Variants in APP observed in about 807,000 individuals in gnomAD.
APP encodes the protein amyloid beta precursor protein, also known as amyloid-beta precursor protein.
APP carries 31 observed loss-of-function variants against 101.4 expected under a neutral mutation model. The ratio of observed to expected loss-of-function variants is 0.31; its 90% CI spans 0.23 to 0.41. APP has a LOEUF of 0.41. APP is among the 10% of genes least tolerant of loss of function. The probability of loss-of-function intolerance (pLI) is 1.00; values close to 1 mark genes in which losing one functional copy is unlikely to be tolerated. For synonymous variants in APP, 366 were observed against 364.4 expected, an observed-to-expected ratio of 1.00 and a Z score of -0.05; for missense variants, 839 against 1,003.7, an observed-to-expected ratio of 0.84 and a Z score of 2.22.
intron 3 of APP, among the ~76,000 whole-genome samples, chr21:26,062,804 C>T (rs377702905): frequency 2.6e-5 from 4 of 151,032 alleles, no homozygotes; most frequent in Non-Finnish European, 4.4e-5. Context: ...ACTCTGTCTC[C>T]CAGGCTGGAG....
chr21:26,102,049 T>G (rs1356171473), intron 2 of APP, among the ~76,000 whole-genome samples: 2 of 150,408 alleles, frequency 1.3e-5, no homozygotes, highest in Non-Finnish European at 3.0e-5. Context: ...TCTTCTGGAA[T>G]CCCAAAGCCT....
At chr21:25,997,545 C>T in intron 7 of APP, 129 bp from the exon 8 acceptor site, 1 of 761,896 alleles carries the variant, frequency 1.3e-6, no homozygotes, top group Non-Finnish European at 2.3e-6. Flanking sequence ...TTTGGTCCCT[C>T]CAACAAAACC....
At chr21:26,092,068 A>T (rs2061837351) in intron 2 of APP, among the ~76,000 whole-genome samples, 1 of 152,214 alleles carries the variant, frequency 6.6e-6, no homozygotes, top group South Asian at 2.1e-4. Context: ...TTAATAAGGC[A>T]GTAGGAGAAC....
intron 11 of APP, among the ~76,000 whole-genome samples, chr21:25,973,163 C>CAA (rs2042097071): frequency 2.4e-5 from 3 of 124,848 alleles, no homozygotes; most frequent in African/African-American, 6.1e-5. Flanking sequence ...TCTAATTAAT[C>CAA]CAAAAAAAAA....
chr21:26,014,784 T>G (rs952448935), intron 6 of APP, among the ~76,000 whole-genome samples: 48 of 152,218 alleles, frequency 3.2e-4, no homozygotes, highest in African/African-American at 1.1e-3. Flanking sequence ...AGAAAAATAA[T>G]TTAATTCTGC....
At chr21:25,925,317 G>A (rs2039840511) in intron 13 of APP, among the ~76,000 whole-genome samples, 1 of 152,140 alleles carries the variant, frequency 6.6e-6, no homozygotes, top group African/African-American at 2.4e-5. Context: ...ATCTCTCCAT[G>A]GCCTCTGAAA....
chr21:26,011,971 C>T (rs2043824844), intron 6 of APP, among the ~76,000 whole-genome samples: 1 of 152,052 alleles, frequency 6.6e-6, no homozygotes, highest in Non-Finnish European at 1.5e-5. Context: ...CCATTATTAT[C>T]AACTAAATAT....
intron 8 of APP, among the ~76,000 whole-genome samples, chr21:25,986,837 C>T (rs1312474040): frequency 6.6e-6 from 1 of 152,218 alleles, no homozygotes; most frequent in Non-Finnish European, 1.5e-5. Context: ...GCCCACCATG[C>T]TAGGCATGTT....
At chr21:26,096,992 T>TC (rs2061957031) in intron 2 of APP, among the ~76,000 whole-genome samples, 1 of 152,178 alleles carries the variant, frequency 6.6e-6, no homozygotes, top group African/African-American at 2.4e-5. Context: ...CTAACTCTTT[T>TC]AAGTCTTGGG....
rs1415666050 is a variant in APP at position 26,086,622 on chromosome 21, AT to A, written c.355+3320del. Among the ~76,000 whole-genome samples the A allele has an allele frequency of 3.3e-5, 5 of 152,134 alleles. No homozygotes were observed. In the East Asian group the frequency reaches 9.6e-4, roughly 29 times the overall value. On this transcript the variant is annotated intron_variant, in intron 3 of 17. Transcript: ENST00000346798. The stretch of plus-strand genomic sequence containing the variant: ...GGATACAGTCAAGAGATTTTAGAGC[AT>A]ACTTATGTTAATGCTGAACAGTAAT...
At chr21:26,014,130 C>T (rs1440946020) in intron 6 of APP, among the ~76,000 whole-genome samples, 4 of 152,152 alleles carry the variant, frequency 2.6e-5, no homozygotes, top group African/African-American at 9.7e-5. Context: ...CCAAATACTC[C>T]CTGGAGCTTT....
At chr21:25,977,662 G>C (rs2042273010) in intron 9 of APP, among the ~76,000 whole-genome samples, 1 of 152,128 alleles carries the variant, frequency 6.6e-6, no homozygotes, top group Non-Finnish European at 1.5e-5. Flanking sequence ...AACCATGGAG[G>C]AAACAAGATG....
At chr21:26,136,169 A>AAAGAAAAGAAAGAAAGAAAGAAAGAAAG (rs1555882167) in intron 1 of APP, among the ~76,000 whole-genome samples, 1 of 91,954 alleles carries the variant, frequency 1.1e-5, no homozygotes, top group Non-Finnish European at 2.0e-5. Flanking sequence ...GAAAAGAAAG[A>AAAGAAAAGAAAGAAAGAAAGAAAGAAAG]AAAGAAAGAA....
chr21:26,088,060 C>G (rs555677649), intron 3 of APP, among the ~76,000 whole-genome samples: 31 of 152,168 alleles, frequency 2.0e-4, no homozygotes, highest in African/African-American at 7.5e-4. Context: ...TGGTCTCTAA[C>G]TGCTGGGCTC....
chr21:26,098,685 A>G (rs897916678), intron 2 of APP, among the ~76,000 whole-genome samples: 3 of 152,256 alleles, frequency 2.0e-5, no homozygotes, highest in Admixed American at 2.0e-4. Context: ...ATGGAATTGG[A>G]AATTGCTACT....
chr21:25,914,606 T>C (rs1028847530), intron 13 of APP, among the ~76,000 whole-genome samples: 25 of 138,802 alleles, frequency 1.8e-4, no homozygotes, highest in Non-Finnish European at 3.0e-4. Flanking sequence ...CAGGCTGGAG[T>C]GCAGTGGCGC....
At chr21:26,166,952 GTC>G (rs1491530190) in intron 1 of APP, among the ~76,000 whole-genome samples, 46 of 146,696 alleles carry the variant, frequency 3.1e-4, no homozygotes, top group Admixed American at 8.8e-4. Context: ...GTGTGTGTGT[GTC>G]TGTCTGTCTG....
At chr21:26,064,946 C>T (rs984718474) in intron 3 of APP, among the ~76,000 whole-genome samples, 6 of 152,272 alleles carry the variant, frequency 3.9e-5, no homozygotes, top group Middle Eastern at 3.4e-3. Context: ...CTCCACCTCC[C>T]GGGTTCAAGC....
chr21:26,015,706 A>T (rs1208479012), intron 6 of APP, among the ~76,000 whole-genome samples: 1 of 152,106 alleles, frequency 6.6e-6, no homozygotes, highest in Admixed American at 6.5e-5. Flanking sequence ...AACAAACCCT[A>T]CCTCAAAAGA....
Sources: gnomAD v4.1 joint callset for allele counts (sites outside exome capture counted in the v4.1 genomes callset) on GRCh38, gnomAD v4.1.1 for gene constraint, MANE v1.5 for transcripts, NCBI Gene and HGNC (gene_info 2026-07-23, HGNC 2026-07-21) for gene names.